The following DMRTA1 variants were observed in gnomAD, a reference collection of about 807,000 sequenced individuals.
DMRTA1 encodes the protein doublesex- and mab-3-related transcription factor A1.
Under a neutral mutation model 35.2 loss-of-function variants are expected in DMRTA1, and 34 were observed. The observed-to-expected ratio is 0.97, with a 90% CI of 0.74 to 1.29. The LOEUF is 1.29. Ranked by LOEUF, DMRTA1 falls within the 50% of genes most tolerant of loss-of-function variation. DMRTA1 has a pLI of 0.00. For synonymous variants in DMRTA1, 344 were observed against 276.6 expected (o/e 1.24, Z -2.42); for missense variants, 824 against 644.6 (o/e 1.28, Z -3.01).
rs1162685159 is a variant in DMRTA1, at chr9:22,454,475, T to A, written c.*2564T>A. ...TTAGACACAAGAGATAAAGAAATGA[T>A]TAAGATACAAGACTTTGCCTCAAGT... is the stretch of plus-strand genomic sequence containing the variant. On this transcript the variant is annotated 3_prime_UTR_variant, in exon 2 of 2. Transcript: ENST00000325870. 1 of 152,198 alleles carries A rather than the reference T, an allele frequency of 6.6e-6. No individual in the cohort carries two copies. Among genetic ancestry groups the A allele is most frequent in the Admixed American group, 6.5e-5 (1 of 15,276 alleles). The allele number at this position is 152,198 out of a possible 1,614,324, so 9.4% of individuals were successfully genotyped here.
rs1482740957 is a variant in DMRTA1, at chr9:22,451,987, C to G, written c.*76C>G. ...CACGTGCACACACATACACACACATCCATTAATATACTTCAGTAAGTATGT... is the reference window on the plus strand; with the variant it reads ...CACGTGCACACACATACACACACATGCATTAATATACTTCAGTAAGTATGT... On this transcript the variant is annotated 3_prime_UTR_variant, in exon 2 of 2. Coordinates refer to ENST00000325870, the MANE Select transcript of DMRTA1 (RefSeq NM_022160.3). 2.0e-6 allele frequency: 3 copies of G among 1,507,500 alleles called. No individual in the cohort carries two copies. The highest frequency in any genetic ancestry group is 1.4e-5 in the African/African-American group (1 of 71,456). 93.4% of individuals were successfully genotyped at this position (1,507,500 alleles called of 1,614,324 possible). A position where few individuals can be genotyped will look rare whatever the true frequency, so the allele number is the denominator to read the frequency against.
In DMRTA1 at chr9:22,451,783, A is replaced by G. The variant is rs760016791; in HGVS notation, c.1387A>G (p.Thr463Ala). The stretch of plus-strand genomic sequence containing the variant: ...CTACCTAACACCTGGGTTAGTACCA[A>G]CCTTACCTTTTCGGCCAGCTTTGGA... Reference protein sequence around the residue: ...SPYLTPGLVPTLPFRPALDYA... With the variant: ...SPYLTPGLVPALPFRPALDYA... Residue 463 changes from threonine (T) to alanine (A), a missense_variant, in exon 2 of 2, where the codon ACC (threonine) becomes GCC (alanine). By Grantham distance (58) the Thr-to-Ala change is moderately conservative (BLOSUM62 0). Coordinates refer to ENST00000325870, the MANE Select transcript of DMRTA1 (RefSeq NM_022160.3). 9.9e-6 allele frequency: 16 copies of G among 1,613,962 alleles called. No homozygotes were observed. The East Asian group carries it at 1.1e-4, about 11-fold the overall frequency.
At position 22,447,649 on chromosome 9, in the gene DMRTA1, G is replaced by T. The variant is rs1284052596; in HGVS notation, c.584G>T (p.Gly195Val). ...TGGPAAGAALGLGALRQASGS... is the reference protein window; with the variant it reads ...TGGPAAGAALVLGALRQASGS... ...GGCCCTGCGGCGGGGGCTGCGCTGG[G>T]ACTGGGTGCCTTGAGACAGGCCAGT... is the stretch of plus-strand genomic sequence containing the variant. Residue 195 changes from glycine (G) to valine (V), a missense_variant, in exon 1 of 2, where the codon GGA (glycine) becomes GTA (valine). Transcript: ENST00000325870. The T allele has an allele frequency of 1.2e-6, 2 of 1,610,890 alleles. No individual in the cohort carries two copies. The highest frequency in any genetic ancestry group is 1.7e-6 in the Non-Finnish European group (2 of 1,179,346).
chr9:22,447,419 G>A lies in DMRTA1; in HGVS notation c.354G>A (p.Trp118Ter). Residue 118 changes from tryptophan to a stop codon, truncating the protein, a stop_gained, in exon 1 of 2, where the codon TGG (tryptophan) becomes TGA (stop). Coordinates refer to ENST00000325870, the MANE Select transcript of DMRTA1 (RefSeq NM_022160.3). LOFTEE classifies it high-confidence loss of function. The stretch of plus-strand genomic sequence containing the variant: ...AGGGCCACAAGCGCTTCTGCCGCTG[G>A]CGGGACTGCGCGTGTGCCAAGTGCA... ...ALKGHKRFCRWRDCACAKCTL... is the reference protein window; with the variant it reads ...ALKGHKRFCR The A allele has an allele frequency of 6.4e-7, 1 of 1,551,904 alleles. No homozygotes were observed. The highest frequency in any genetic ancestry group is 8.7e-7 in the Non-Finnish European group (1 of 1,149,812).
intron 1 of DMRTA1, among the ~76,000 whole-genome samples, chr9:22,448,922 A>C (rs915778948): frequency 2.6e-5 from 4 of 152,236 alleles, no homozygotes; most frequent in Non-Finnish European, 5.9e-5. Flanking sequence ...GAAGGTGCTA[A>C]AGAGCACAGT....
chr9:22,446,838 G>C lies in DMRTA1; in HGVS notation c.-228G>C. On this transcript the variant is annotated 5_prime_UTR_variant, in exon 1 of 2. Transcript: ENST00000325870. ...ACAAAGGCATTAACTTAGCGCCCGGGGTCTCTGCCAGGCTCACGGGACAGC... is the reference window on the plus strand; with the variant it reads ...ACAAAGGCATTAACTTAGCGCCCGGCGTCTCTGCCAGGCTCACGGGACAGC... The C allele has an allele frequency of 1.8e-6, 1 of 544,494 alleles. No individual in the cohort carries two copies. The highest frequency in any genetic ancestry group is 2.5e-5 in the South Asian group (1 of 39,246). 33.7% of individuals were successfully genotyped at this position (544,494 alleles called of 1,614,324 possible). A position where few individuals can be genotyped will look rare whatever the true frequency, so the allele number is the denominator to read the frequency against.
rs944303084 is a variant in DMRTA1 at position 22,455,169 on chromosome 9, A to G, written c.*3258A>G. 1 of 152,192 alleles carries G rather than the reference A, an allele frequency of 6.6e-6. No homozygotes were observed. The highest frequency in any genetic ancestry group is 1.5e-5 in the Non-Finnish European group (1 of 68,030). 9.4% of individuals were successfully genotyped at this position (152,192 alleles called of 1,614,324 possible). On this transcript the variant is annotated 3_prime_UTR_variant, in exon 2 of 2. Coordinates refer to ENST00000325870, the MANE Select transcript of DMRTA1 (RefSeq NM_022160.3). ...GAATAAAACTGACAGAGGTTAGTGT[A>G]AGGTATATAGGCATGAGTGGGGCTT...
At chr9:22,448,981 A>G (rs1587668886) in intron 1 of DMRTA1, among the ~76,000 whole-genome samples, 1 of 152,302 alleles carries the variant, frequency 6.6e-6, no homozygotes, top group South Asian at 2.1e-4. Flanking sequence ...GAATTCCTGA[A>G]ACTACACCGA....
In DMRTA1 at chr9:22,451,408, C is replaced by T. The variant is rs1818925075; in HGVS notation, c.1012C>T (p.Pro338Ser). The stretch of plus-strand genomic sequence containing the variant: ...TCTTGATATCCTTACTAAGATTTTC[C>T]CAAATTACAGGCGCAGCCGGCTAGA... ...DPLDILTKIF[P>S]NYRRSRLEGI... Residue 338 changes from proline to serine, a missense_variant, in exon 2 of 2, where the codon CCA (proline) becomes TCA (serine). Transcript: ENST00000325870. The T allele has an allele frequency of 6.2e-7, 1 of 1,614,082 alleles. No homozygotes were observed. Among genetic ancestry groups the T allele is most frequent in the East Asian group, 2.2e-5 (1 of 44,880 alleles).
chr9:22,447,547 G>C lies in DMRTA1; in HGVS notation c.482G>C (p.Cys161Ser). Residue 161 changes from cysteine (C) to serine (S), a missense_variant, in exon 1 of 2, where the codon TGC becomes TCC. Cys to Ser is a moderately radical substitution (Grantham distance 112). Transcript: ENST00000325870. ...SEARGLQRLL[C>S]SGLSWPPGGR... ...GCCCGGGGGCTACAGAGGCTCCTGT[G>C]CTCGGGGCTCTCCTGGCCCCCCGGT... The C allele has an allele frequency of 6.3e-7, 1 of 1,589,264 alleles. No individual in the cohort carries two copies. The highest frequency in any genetic ancestry group is 8.6e-7 in the Non-Finnish European group (1 of 1,168,356).
At position 22,452,745 on chromosome 9, in the gene DMRTA1, G is replaced by A. The variant is rs924013938; in HGVS notation, c.*834G>A. 16 of 152,022 alleles carry A rather than the reference G, an allele frequency of 1.1e-4. No individual in the cohort carries two copies. The highest frequency in any genetic ancestry group is 3.6e-4 in the African/African-American group (15 of 41,400). The allele number at this position is 152,022 out of a possible 1,614,324, so 9.4% of individuals were successfully genotyped here. A position where few individuals can be genotyped will look rare whatever the true frequency, so the allele number is the denominator to read the frequency against. ...CATTAAAATTTCCATACTGTAAAGT[G>A]CACATCTACTGTGGATGAGAGTTGC... On this transcript the variant is annotated 3_prime_UTR_variant, in exon 2 of 2. Transcript: ENST00000325870.
chr9:22,448,755 T>C (rs1316966093), intron 1 of DMRTA1, among the ~76,000 whole-genome samples: 1 of 152,246 alleles, frequency 6.6e-6, no homozygotes, highest in East Asian at 1.9e-4. Flanking sequence ...CAATGGCTGC[T>C]TGAAGTTCTA....
intron 1 of DMRTA1, among the ~76,000 whole-genome samples, chr9:22,449,645 C>G (rs1818894243): frequency 6.6e-6 from 1 of 152,006 alleles, no homozygotes; most frequent in Non-Finnish European, 1.5e-5. Context: ...TTCCACTTGG[C>G]AAATTTCATT....
At position 22,451,783 on chromosome 9, in the gene DMRTA1, A is replaced by C; in HGVS notation, c.1387A>C (p.Thr463Pro). The C allele has an allele frequency of 6.2e-7, 1 of 1,613,962 alleles. No individual in the cohort carries two copies. The highest frequency in any genetic ancestry group is 2.2e-5 in the East Asian group (1 of 44,874). Residue 463 changes from threonine to proline, a missense_variant, in exon 2 of 2, where the codon ACC becomes CCC. Coordinates refer to ENST00000325870, the MANE Select transcript of DMRTA1 (RefSeq NM_022160.3). ...CTACCTAACACCTGGGTTAGTACCA[A>C]CCTTACCTTTTCGGCCAGCTTTGGA... is the stretch of plus-strand genomic sequence containing the variant. ...SPYLTPGLVPTLPFRPALDYA... is the reference protein window; with the variant it reads ...SPYLTPGLVPPLPFRPALDYA...
chr9:22,450,463 C>A (rs1818907728), intron 1 of DMRTA1, among the ~76,000 whole-genome samples: 1 of 151,878 alleles, frequency 6.6e-6, no homozygotes, highest in African/African-American at 2.4e-5. Context: ...AGCAATAGTA[C>A]TTATTGGTTT....
intron 1 of DMRTA1, among the ~76,000 whole-genome samples, chr9:22,449,206 A>G (rs1477883739): frequency 1.3e-5 from 2 of 152,222 alleles, no homozygotes; most frequent in South Asian, 4.1e-4. Context: ...GAACTGTGGT[A>G]AAATAGTCTA....
chr9:22,452,733 A>C lies in DMRTA1; in HGVS notation c.*822A>C, dbSNP rs1409184510. ...TGGATTATACTACATTAAAATTTCC[A>C]TACTGTAAAGTGCACATCTACTGTG... On this transcript the variant is annotated 3_prime_UTR_variant, in exon 2 of 2. Coordinates refer to ENST00000325870, the MANE Select transcript of DMRTA1 (RefSeq NM_022160.3). 6.6e-6 allele frequency: 1 copy of C among 152,144 alleles called. No individual in the cohort carries two copies. The allele number at this position is 152,144 out of a possible 1,614,324, so 9.4% of individuals were successfully genotyped here. A position where few individuals can be genotyped will look rare whatever the true frequency, so the allele number is the denominator to read the frequency against.
chr9:22,447,439 A>C lies in DMRTA1; in HGVS notation c.374A>C (p.Lys125Thr). The change falls in exon 1 of 2, where the codon AAG becomes ACG. Residue 125 changes from lysine (K) to threonine (T), a missense_variant. By Grantham distance (78) the Lys-to-Thr change is moderately conservative. Transcript: ENST00000325870. Reference sequence around the variant, plus strand: ...CGCTGGCGGGACTGCGCGTGTGCCAAGTGCACCCTGATCGCCGAGCGCCAG... The same window carrying C: ...CGCTGGCGGGACTGCGCGTGTGCCACGTGCACCCTGATCGCCGAGCGCCAG... ...FCRWRDCACA[K>T]CTLIAERQRV... 1.3e-6 allele frequency: 2 copies of C among 1,553,672 alleles called. No homozygotes were observed. Among genetic ancestry groups the C allele is most frequent in the Non-Finnish European group, 1.7e-6 (2 of 1,150,410 alleles).
chr9:22,448,403 G>A (rs1818871535), intron 1 of DMRTA1, among the ~76,000 whole-genome samples: 1 of 152,086 alleles, frequency 6.6e-6, no homozygotes, highest in South Asian at 2.1e-4. Context: ...AATTGTTTTC[G>A]CAAAATGTAA....
Sources: allele counts gnomAD v4.1 joint callset (sites outside exome capture counted in the v4.1 genomes callset), GRCh38; gene constraint gnomAD v4.1.1; transcripts MANE v1.5; gene names NCBI Gene and HGNC (gene_info 2026-07-23, HGNC 2026-07-21).